Variants in LIPJ observed in about 807,000 individuals in gnomAD.
The protein encoded by LIPJ is lipase family member J.
A neutral mutation model predicts 39.8 loss-of-function variants in LIPJ; 33 were observed. The ratio of observed to expected loss-of-function variants is 0.83; its 90% CI spans 0.63 to 1.11. The LOEUF (loss-of-function observed/expected upper bound fraction) is 1.11. Ranked by LOEUF, LIPJ falls within the 50% of genes least tolerant of loss-of-function variation. The pLI is 0.00. For synonymous variants in LIPJ, 128 were observed against 139.2 expected (o/e 0.92, Z 0.57); for missense variants, 422 against 427.9 (o/e 0.99, Z 0.12).
the LIPJ span, among the ~76,000 whole-genome samples, chr10:88,621,998 T>C: frequency 2.0e-5 from 3 of 152,200 alleles, no homozygotes; most frequent in Non-Finnish European, 1.5e-5. Context: ...ATTGGTGCCC[T>C]GCTCAGACCC....
chr10:88,588,197 A>C (rs1484882251), intron 2 of LIPJ, among the ~76,000 whole-genome samples: 1 of 151,876 alleles, frequency 6.6e-6, no homozygotes, highest in African/African-American at 2.4e-5. Context: ...ATTTGCATCT[A>C]CTATGACAAA....
At chr10:88,602,086 A>C (rs1408663248) in intron 8 of LIPJ, among the ~76,000 whole-genome samples, 1 of 152,168 alleles carries the variant, frequency 6.6e-6, no homozygotes, top group Non-Finnish European at 1.5e-5. Context: ...CAACTTTGAC[A>C]GGCCTTAGAC....
At chr10:88,588,865 G>A (rs1014521478) in intron 2 of LIPJ, among the ~76,000 whole-genome samples, 25 of 151,854 alleles carry the variant, frequency 1.6e-4, no homozygotes, top group African/African-American at 5.6e-4. Flanking sequence ...TGGTTGATGA[G>A]TCACTGCAAA....
At chr10:88,617,652 C>T in the LIPJ span, among the ~76,000 whole-genome samples, 1 of 152,116 alleles carries the variant, frequency 6.6e-6, no homozygotes, top group Non-Finnish European at 1.5e-5. Flanking sequence ...ATTAAGGATG[C>T]TAAGTGCACA....
At chr10:88,605,734 C>CAAGG in intron 10 of LIPJ, 30 bp downstream of exon 10, 1 of 1,434,050 alleles carries the variant, frequency 7.0e-7, no homozygotes, top group Non-Finnish European at 9.8e-7. Context: ...AACTCTCTAC[C>CAAGG]TTACTGACTT....
intron 4 of LIPJ, 102 bp from the exon 5 acceptor site, chr10:88,593,844 A>T: frequency 1.0e-6 from 1 of 980,816 alleles, no homozygotes; most frequent in South Asian, 1.7e-5. Flanking sequence ...AATTTTTTAA[A>T]ATCTTTAAAC....
chr10:88,597,303 T>A (rs1479534937), intron 8 of LIPJ, among the ~76,000 whole-genome samples: 2 of 151,874 alleles, frequency 1.3e-5, no homozygotes, highest in Non-Finnish European at 2.9e-5. Flanking sequence ...TTCCTAATAC[T>A]CCTTCCTATC....
chr10:88,594,062 T>C, exon 5 of LIPJ: 1 of 1,612,320 alleles, frequency 6.2e-7, no homozygotes, highest in Non-Finnish European at 8.5e-7. Context: ...TTATGATGTG[T>C]GGATGGGAAA....
the LIPJ span, among the ~76,000 whole-genome samples, chr10:88,612,399 A>T: frequency 6.6e-6 from 1 of 152,190 alleles, no homozygotes; most frequent in African/African-American, 2.4e-5. Context: ...CATTGAATGT[A>T]AATGGCCTGA....
chr10:88,590,748 T>G (rs751400048), intron 3 of LIPJ, 52 bp downstream of exon 3: 84 of 1,452,876 alleles, frequency 5.8e-5, no homozygotes, highest in Non-Finnish European at 7.7e-5. Context: ...AGAATGCTAC[T>G]TTTCAAATTT....
exon 11 of LIPJ, chr10:88,606,896 G>A: frequency 6.4e-7 from 1 of 1,551,228 alleles, no homozygotes; most frequent in Non-Finnish European, 8.7e-7. Flanking sequence ...TATTATCCAA[G>A]ACAATCTATA....
the LIPJ span, among the ~76,000 whole-genome samples, chr10:88,621,035 C>T: frequency 2.0e-5 from 3 of 152,112 alleles, no homozygotes; most frequent in Non-Finnish European, 2.9e-5. Context: ...ACTCTCATGA[C>T]CTAATTACCT....
chr10:88,618,135 T>C, the LIPJ span: 1 of 152,182 alleles, frequency 6.6e-6, no homozygotes, highest in Middle Eastern at 3.4e-3. Flanking sequence ...TGGATATTTT[T>C]TTCAAGCTGG....
chr10:88,596,687 T>G, intron 7 of LIPJ, 103 bp from the exon 8 acceptor site: 1 of 1,121,064 alleles, frequency 8.9e-7, no homozygotes, highest in African/African-American at 1.6e-5. Flanking sequence ...TTCAAACTAC[T>G]GTGAGATAAT....
rs192772857 is a variant in LIPJ, at chr10:88,597,734, C to T, written c.723+798C>T. 1.4e-3 allele frequency among the ~76,000 whole-genome samples: 219 copies of T among 152,028 alleles called. 1 individual carries two copies. The highest frequency in any genetic ancestry group is 5.1e-3 in the African/African-American group (210 of 41,536). On this transcript the variant is annotated intron_variant, in intron 8 of 10. Coordinates refer to ENST00000371939, the Ensembl canonical transcript of LIPJ. ...AGAATGCTATAAGAAACTCAGTTCT[C>T]GTCTTTTCCACCCATAAAGATATGA...
At position 88,591,375 on chromosome 10, in the gene LIPJ, T is replaced by A; in HGVS notation, c.10-3T>A. 2 of 1,586,428 alleles carry A rather than the reference T, an allele frequency of 1.3e-6. No homozygotes were observed. Among genetic ancestry groups the A allele is most frequent in the Non-Finnish European group, 1.7e-6 (2 of 1,167,866 alleles). On this transcript the variant is annotated splice_polypyrimidine_tract_variant and splice_region_variant and intron_variant, in intron 3 of 10. Coordinates refer to ENST00000371939, the Ensembl canonical transcript of LIPJ. ...CTAAAAGATTTGCTTTTTCTTTATC[T>A]AGAGCCAGATTATTTCCTACTGGGG...
the LIPJ span, among the ~76,000 whole-genome samples, chr10:88,622,160 A>G: frequency 3.3e-5 from 5 of 152,208 alleles, no homozygotes; most frequent in African/African-American, 1.2e-4. Flanking sequence ...CTCACAGGGC[A>G]GCTCACAATA....
chr10:88,610,251 A>G (rs1366154049), downstream of LIPJ, among the ~76,000 whole-genome samples: 1 of 152,232 alleles, frequency 6.6e-6, no homozygotes, highest in East Asian at 1.9e-4. Flanking sequence ...CCTCTCTGGC[A>G]GAAAGTTAAA....
At chr10:88,585,087 C>T (rs1474548161), upstream of LIPJ, among the ~76,000 whole-genome samples, 3 of 152,144 alleles carry the variant, frequency 2.0e-5, no homozygotes, top group Non-Finnish European at 4.4e-5. Context: ...ACAGCCATAG[C>T]CCTAAAATCT....
Sources: gnomAD v4.1 joint callset for allele counts (sites outside exome capture counted in the v4.1 genomes callset) on GRCh38, gnomAD v4.1.1 for gene constraint, MANE v1.5 for transcripts, NCBI Gene and HGNC (gene_info 2026-07-23, HGNC 2026-07-21) for gene names.